Variants in SVOP observed in about 807,000 individuals in gnomAD.
SVOP encodes synaptic vesicle 2-related protein.
SVOP carries 17 observed loss-of-function variants against 69.1 expected under a neutral mutation model. That is an observed-to-expected ratio of 0.25 (90% CI 0.17 to 0.37). SVOP has a LOEUF of 0.37. SVOP is among the 10% of genes least tolerant of loss of function. The pLI, the probability that SVOP is intolerant of heterozygous loss-of-function variation, is 1.00. For missense variants in SVOP, 435 were observed against 597.5 expected (o/e 0.73, Z 2.84); for synonymous variants, 238 against 238.6 (o/e 1.00, Z 0.02).
At chr12:108,921,023 G>A (rs1234966914) in intron 12 of SVOP, among the ~76,000 whole-genome samples, 2 of 152,180 alleles carry the variant, frequency 1.3e-5, no homozygotes, top group African/African-American at 2.4e-5. Context: ...GTCAGGAACT[G>A]TTCCAGGAGG....
chr12:108,937,116 C>T (rs1318563437), intron 10 of SVOP, 148 bp downstream of exon 10: 17 of 742,350 alleles, frequency 2.3e-5, no homozygotes, highest in Middle Eastern at 2.4e-4. Context: ...CTGGATATGA[C>T]GGAAATCAGG....
intron 1 of SVOP, among the ~76,000 whole-genome samples, chr12:108,988,142 C>T (rs1376997363): frequency 6.6e-6 from 1 of 151,946 alleles, no homozygotes; most frequent in Non-Finnish European, 1.5e-5. Flanking sequence ...CCAGGCTGAT[C>T]TTGAACTCCT....
intron 6 of SVOP, 87 bp downstream of exon 6, chr12:108,960,836 T>C: frequency 1.4e-6 from 2 of 1,470,832 alleles, no homozygotes; most frequent in Non-Finnish European, 1.8e-6. Flanking sequence ...TGCTGCCCCA[T>C]CTCAGCCCCT....
intron 1 of SVOP, among the ~76,000 whole-genome samples, chr12:109,004,280 A>C (rs533293185): frequency 2.6e-5 from 4 of 152,160 alleles, no homozygotes; most frequent in Non-Finnish European, 2.9e-5. Context: ...TTTGTTTTAC[A>C]TAATTTTGCT....
chr12:109,017,988 G>A (rs2040377208), intron 1 of SVOP, among the ~76,000 whole-genome samples: 1 of 151,932 alleles, frequency 6.6e-6, no homozygotes, highest in Non-Finnish European at 1.5e-5. Flanking sequence ...ATGTACTATT[G>A]GACATTGCAG....
In SVOP at chr12:108,977,237, T is replaced by G. The variant is rs141019561; in HGVS notation, c.381+161A>C. 2.8e-4 allele frequency among the ~76,000 whole-genome samples: 43 copies of G among 152,310 alleles called. No individual in the cohort carries two copies. The East Asian group carries it at 7.7e-3, about 27-fold the overall frequency. Reference sequence around the variant, plus strand: ...CCTCCGGGTGAAGTAGAGTTGGCTGTAAACCTGCTAGGATATGTGAGGTGG... The same window carrying G: ...CCTCCGGGTGAAGTAGAGTTGGCTGGAAACCTGCTAGGATATGTGAGGTGG... On this transcript the variant is annotated intron_variant, in intron 4 of 15. Coordinates refer to ENST00000610966, the MANE Select transcript of SVOP (RefSeq NM_018711.5).
chr12:108,963,536 G>A (rs1238023715), intron 5 of SVOP, among the ~76,000 whole-genome samples: 3 of 151,812 alleles, frequency 2.0e-5, no homozygotes, highest in South Asian at 2.1e-4. Flanking sequence ...CACCCAGGCT[G>A]GAGTGCAGTG....
intron 6 of SVOP, among the ~76,000 whole-genome samples, chr12:108,953,510 A>C (rs1466168852): frequency 6.6e-6 from 1 of 152,224 alleles, no homozygotes; most frequent in African/African-American, 2.4e-5. Context: ...TTGAGCTTTT[A>C]AGAATTATAC....
At chr12:108,957,492 C>T (rs773109534) in intron 6 of SVOP, among the ~76,000 whole-genome samples, 1 of 152,086 alleles carries the variant, frequency 6.6e-6, no homozygotes, top group African/African-American at 2.4e-5. Context: ...CAGCTGCTAC[C>T]CAGTAACTTT....
At chr12:108,965,346 C>T (rs1291020704) in intron 5 of SVOP, among the ~76,000 whole-genome samples, 1 of 152,194 alleles carries the variant, frequency 6.6e-6, no homozygotes, top group Non-Finnish European at 1.5e-5. Context: ...TGAGCCACTC[C>T]CTTCCTCTAG....
chr12:108,995,537 T>G (rs1003559469), intron 1 of SVOP, among the ~76,000 whole-genome samples: 2 of 151,898 alleles, frequency 1.3e-5, no homozygotes, highest in Admixed American at 1.3e-4. Context: ...ATGAGTACAG[T>G]TGGGGAGGAT....
At chr12:109,020,289 C>T (rs1024062655) in intron 1 of SVOP, among the ~76,000 whole-genome samples, 1 of 152,176 alleles carries the variant, frequency 6.6e-6, no homozygotes, top group Non-Finnish European at 1.5e-5. Context: ...GTTTCACCGA[C>T]CGTGCACAGC....
chr12:108,933,167 G>A (rs1457439510), intron 11 of SVOP, among the ~76,000 whole-genome samples: 1 of 152,012 alleles, frequency 6.6e-6, no homozygotes, highest in Non-Finnish European at 1.5e-5. Context: ...GAGCCACCAC[G>A]CCTGGCCTGC....
rs375186844 is a variant in SVOP, at chr12:108,949,701, CT to C, written c.579-4536del. 8.5e-3 allele frequency among the ~76,000 whole-genome samples: 1,250 copies of C among 147,758 alleles called. 18 individuals carry two copies. Among genetic ancestry groups the C allele is most frequent in the African/African-American group, 0.027 (1,099 of 40,514 alleles). On this transcript the variant is annotated intron_variant, in intron 6 of 15. Coordinates refer to ENST00000610966, the MANE Select transcript of SVOP (RefSeq NM_018711.5). ...TCCTCCCTCCCTTACTTCTTTCCTT[CT>C]TTTTTTTTTTCTTAACATACACAGC... is the stretch of plus-strand genomic sequence containing the variant.
intron 14 of SVOP, 32 bp downstream of exon 14, chr12:108,918,011 G>A (rs145495504): frequency 0.04 from 60,320 of 1,518,462 alleles, 1,414 homozygotes; most frequent in Non-Finnish European, 0.046. Context: ...CCCACTGCCC[G>A]TTCCCCAGCA....
intron 2 of SVOP, among the ~76,000 whole-genome samples, chr12:108,981,847 C>A (rs1015527124): frequency 6.6e-6 from 1 of 152,188 alleles, no homozygotes; most frequent in Non-Finnish European, 1.5e-5. Context: ...TAACCAACAT[C>A]ATCACCACCA....
chr12:108,977,956 C>T (rs137903047), intron 3 of SVOP, among the ~76,000 whole-genome samples: 101,824 of 151,928 alleles, frequency 0.67, 34,625 homozygotes, highest in East Asian at 0.79. Flanking sequence ...GACTCAGAAT[C>T]CCTAGCAATT....
intron 1 of SVOP, 42 bp downstream of exon 1, chr12:109,020,792 A>G (rs1226681823): frequency 4.5e-6 from 2 of 443,042 alleles, no homozygotes; most frequent in Non-Finnish European, 8.9e-6. Flanking sequence ...CGTTTTTTAA[A>G]AGAAAGCCTG....
At chr12:109,012,248 A>C (rs1593210331) in intron 1 of SVOP, among the ~76,000 whole-genome samples, 1 of 151,786 alleles carries the variant, frequency 6.6e-6, no homozygotes. Flanking sequence ...ACGCCACTGC[A>C]CTCCAGCCTG....
Sources: allele counts gnomAD v4.1 joint callset (sites outside exome capture counted in the v4.1 genomes callset), GRCh38; gene constraint gnomAD v4.1.1; transcripts MANE v1.5; gene names NCBI Gene and HGNC (gene_info 2026-07-23, HGNC 2026-07-21).